Variants in TAF1B observed in about 807,000 individuals in gnomAD.
TAF1B encodes TATA box-binding protein-associated factor RNA polymerase I subunit B.
In TAF1B, 61 loss-of-function variants were observed where a neutral mutation model predicts 83.9. The ratio of observed to expected loss-of-function variants is 0.73; its 90% CI spans 0.59 to 0.90. TAF1B has a LOEUF of 0.90. TAF1B is among the 40% of genes least tolerant of loss of function. TAF1B has a pLI of 0.00. For missense variants in TAF1B, 625 were observed against 677.0 expected (o/e 0.92, Z 0.85); for synonymous variants, 221 against 224.6 (o/e 0.98, Z 0.14).
rs750548625 is a variant in TAF1B at position 9,920,126 on chromosome 2, G to A, written c.1565+306G>A. On this transcript the variant is annotated intron_variant, in intron 14 of 14. Coordinates refer to ENST00000263663, the MANE Select transcript of TAF1B (RefSeq NM_005680.3). ...TTTTTAGTACATATCACTTCTCTGA[G>A]TCAGTTACCTTTATCATGTCTTTCT... is the stretch of plus-strand genomic sequence containing the variant. 8.5e-5 allele frequency among the ~76,000 whole-genome samples: 13 copies of A among 152,162 alleles called. 1 individual carries two copies. Among genetic ancestry groups the A allele is most frequent in the South Asian group, 6.2e-4 (3 of 4,822 alleles).
intron 8 of TAF1B, among the ~76,000 whole-genome samples, chr2:9,884,373 G>A (rs1664606561): frequency 6.6e-6 from 1 of 152,210 alleles, no homozygotes; most frequent in Admixed American, 6.5e-5. Context: ...CAAGGGGCAT[G>A]TTTCAGACCT....
intron 8 of TAF1B, among the ~76,000 whole-genome samples, chr2:9,889,824 G>A (rs393281): frequency 0.94 from 143,252 of 152,196 alleles, 68,042 homozygotes; most frequent in East Asian, 1. Flanking sequence ...CTACTAAGGC[G>A]TATCCCTACT....
intron 11 of TAF1B, among the ~76,000 whole-genome samples, chr2:9,912,325 A>C (rs1236022764): frequency 6.6e-6 from 1 of 151,404 alleles, no homozygotes; most frequent in Non-Finnish European, 1.5e-5. Context: ...AACTCAGTGA[A>C]GTGTGGTGAA....
intron 2 of TAF1B, among the ~76,000 whole-genome samples, chr2:9,848,856 C>T (rs1161049010): frequency 6.6e-6 from 1 of 152,078 alleles, no homozygotes; most frequent in Non-Finnish European, 1.5e-5. Flanking sequence ...CCATTTTAGT[C>T]ATTCTAAAGT....
chr2:9,845,349 TTA>T lies in TAF1B; in HGVS notation c.117+33_117+34del, dbSNP rs766043983. ...TAACAAATATCATTTATGAATTTGC[TTA>T]TGTTTTAAAAATTGCCATTTCAGCC... On this transcript the variant is annotated intron_variant, in intron 2 of 14. Coordinates refer to ENST00000263663, the MANE Select transcript of TAF1B (RefSeq NM_005680.3). The T allele has an allele frequency of 3.1e-6, 5 of 1,593,944 alleles. No individual in the cohort carries two copies. The East Asian group carries it at 6.7e-5, about 21-fold the overall frequency.
intron 8 of TAF1B, among the ~76,000 whole-genome samples, chr2:9,893,091 TA>T (rs755056519): frequency 8.5e-5 from 13 of 152,278 alleles, no homozygotes; most frequent in East Asian, 1.9e-4. Context: ...GGAGAGCACT[TA>T]AAAAAATTAT....
intron 8 of TAF1B, among the ~76,000 whole-genome samples, chr2:9,896,720 C>G (rs75798992): frequency 6.7e-6 from 1 of 149,894 alleles, no homozygotes; most frequent in Non-Finnish European, 1.5e-5. Flanking sequence ...ATTTCAGTGG[C>G]CCCTCTGTCT....
chr2:9,929,142 T>TCTGTTG (rs1553295009), intron 14 of TAF1B, among the ~76,000 whole-genome samples: 5 of 151,030 alleles, frequency 3.3e-5, no homozygotes, highest in African/African-American at 1.2e-4. Flanking sequence ...ATTGGTTCTG[T>TCTGTTG]TTGTTGTTGT....
intron 7 of TAF1B, among the ~76,000 whole-genome samples, chr2:9,877,359 C>T (rs1481107632): frequency 6.6e-6 from 1 of 152,172 alleles, no homozygotes; most frequent in Non-Finnish European, 1.5e-5. Context: ...CCAGTGTTCT[C>T]TTTCTTAGTA....
chr2:9,888,187 A>G (rs1046250552), intron 8 of TAF1B, among the ~76,000 whole-genome samples: 1 of 152,000 alleles, frequency 6.6e-6, no homozygotes, highest in African/African-American at 2.4e-5. Context: ...ACCTTTTCTC[A>G]TTCTACCTCA....
chr2:9,843,600 C>A (rs1269425908), intron 1 of TAF1B, 41 bp downstream of exon 1: 1 of 1,477,128 alleles, frequency 6.8e-7, no homozygotes, highest in Non-Finnish European at 9.0e-7. Context: ...ATCGCCGGGG[C>A]CGGAGGAGAG....
At chr2:9,852,918 CA>C (rs1663444659) in intron 4 of TAF1B, among the ~76,000 whole-genome samples, 1 of 152,224 alleles carries the variant, frequency 6.6e-6, no homozygotes, top group Non-Finnish European at 1.5e-5. Context: ...CCAAACAGAA[CA>C]ACCACGATTT....
upstream of TAF1B, chr2:9,843,469 C>T (rs1240322766): frequency 4.6e-6 from 7 of 1,507,734 alleles, no homozygotes; most frequent in African/African-American, 5.8e-5. Context: ...GGAAGCTTCT[C>T]CAGCCTTTCC....
At chr2:9,858,917 G>A (rs748254929) in intron 5 of TAF1B, among the ~76,000 whole-genome samples, 8 of 152,190 alleles carry the variant, frequency 5.3e-5, no homozygotes, top group Non-Finnish European at 1.2e-4. Context: ...CTGTCTCGAA[G>A]ATCTCTGACA....
intron 6 of TAF1B, among the ~76,000 whole-genome samples, chr2:9,874,624 G>A (rs1490490729): frequency 2.0e-5 from 3 of 152,054 alleles, no homozygotes; most frequent in Non-Finnish European, 4.4e-5. Context: ...CCCATTACTA[G>A]AATATAAGTT....
chr2:9,866,927 G>A (rs1320861774), intron 5 of TAF1B, among the ~76,000 whole-genome samples: 5 of 152,052 alleles, frequency 3.3e-5, no homozygotes, highest in African/African-American at 1.2e-4. Flanking sequence ...CCCATACCGG[G>A]GACTGTTGTG....
chr2:9,869,456 C>A (rs1165879260), intron 6 of TAF1B, among the ~76,000 whole-genome samples: 3 of 151,780 alleles, frequency 2.0e-5, no homozygotes, highest in Non-Finnish European at 2.9e-5. Context: ...AACTCCTGAC[C>A]TTGTGATCTG....
intron 8 of TAF1B, among the ~76,000 whole-genome samples, chr2:9,897,204 A>G (rs911402454): frequency 2.0e-5 from 3 of 152,196 alleles, no homozygotes; most frequent in Non-Finnish European, 2.9e-5. Flanking sequence ...TGATTGAACC[A>G]AAGTATTGGG....
At chr2:9,851,435 A>G in intron 3 of TAF1B, 106 bp from the exon 4 acceptor site, 1 of 905,158 alleles carries the variant, frequency 1.1e-6, no homozygotes, top group Non-Finnish European at 1.6e-6. Context: ...TTGAAAAAAA[A>G]AGAAAAATTC....
Sources: gnomAD v4.1 joint callset for allele counts (sites outside exome capture counted in the v4.1 genomes callset) on GRCh38, gnomAD v4.1.1 for gene constraint, MANE v1.5 for transcripts, NCBI Gene and HGNC (gene_info 2026-07-23, HGNC 2026-07-21) for gene names.